Variants in SPATA9 observed in about 807,000 individuals in gnomAD.
SPATA9 encodes spermatogenesis-associated protein 9.
A neutral mutation model predicts 25.5 loss-of-function variants in SPATA9; 27 were observed. The observed-to-expected ratio is 1.06, with a 90% CI of 0.78 to 1.46. The LOEUF (loss-of-function observed/expected upper bound fraction) is 1.46, where lower values mean the gene tolerates loss of function less well. SPATA9 is among the 40% of genes most tolerant of loss of function. The probability of loss-of-function intolerance (pLI) is 0.00; values close to 1 mark genes in which losing one functional copy is unlikely to be tolerated. For missense variants in SPATA9, 282 were observed against 297.5 expected (o/e 0.95, Z 0.38); for synonymous variants, 102 against 105.7 (o/e 0.97, Z 0.21).
chr5:95,707,291 A>C, the SPATA9 span, among the ~76,000 whole-genome samples: 3 of 152,248 alleles, frequency 2.0e-5, no homozygotes, highest in African/African-American at 7.2e-5. Flanking sequence ...AGTGATTAAC[A>C]CATGGATTAG....
At chr5:95,675,280 C>T in intron 3 of SPATA9, 132 bp downstream of exon 3, 1 of 723,568 alleles carries the variant, frequency 1.4e-6, no homozygotes, top group South Asian at 2.0e-5. Context: ...AAGCCCCAAC[C>T]ATTCATTTCT....
chr5:95,654,979 G>A (rs774095106), downstream of SPATA9, among the ~76,000 whole-genome samples: 3 of 152,046 alleles, frequency 2.0e-5, no homozygotes, highest in African/African-American at 4.8e-5. Context: ...GAGGAGGAAC[G>A]GGGGAAGTTG....
intron 2 of SPATA9, among the ~76,000 whole-genome samples, chr5:95,680,227 C>A (rs530585443): frequency 1.9e-4 from 29 of 152,220 alleles, no homozygotes; most frequent in Middle Eastern, 3.4e-3. Context: ...AATGTATAGG[C>A]TCAGTAATTT....
chr5:95,716,688 G>C, the SPATA9 span, among the ~76,000 whole-genome samples: 4 of 152,194 alleles, frequency 2.6e-5, no homozygotes, highest in Admixed American at 1.3e-4. Context: ...GTGGGGACAT[G>C]AGATTTGGGA....
exon 9 of SPATA9, chr5:95,653,074 G>T: frequency 6.5e-7 from 1 of 1,549,212 alleles, no homozygotes; most frequent in Non-Finnish European, 8.7e-7. Context: ...CATTCACCAA[G>T]ACTTTTCTTT....
At chr5:95,655,840 T>C, downstream of SPATA9, 1 of 521,002 alleles carries the variant, frequency 1.9e-6, no homozygotes, top group Non-Finnish European at 3.4e-6. Context: ...CTGATAGAGC[T>C]CTAACTGGCT....
chr5:95,700,017 C>T (rs975406497), upstream of SPATA9, among the ~76,000 whole-genome samples: 2 of 151,908 alleles, frequency 1.3e-5, no homozygotes, highest in Non-Finnish European at 2.9e-5. Flanking sequence ...GCCCCTGAAA[C>T]CATGGATATT....
chr5:95,656,247 T>G, downstream of SPATA9: 1 of 1,613,478 alleles, frequency 6.2e-7, no homozygotes, highest in East Asian at 2.2e-5. Context: ...TAATGAACCT[T>G]TTAAGTGTGA....
chr5:95,715,373 T>C, the SPATA9 span, among the ~76,000 whole-genome samples: 66 of 149,348 alleles, frequency 4.4e-4, no homozygotes, highest in African/African-American at 1.4e-3. Flanking sequence ...AGACAAGACA[T>C]ATTTTTCAAA....
chr5:95,694,025 C>T (rs1048426775), intron 1 of SPATA9, among the ~76,000 whole-genome samples: 8 of 151,952 alleles, frequency 5.3e-5, no homozygotes, highest in Non-Finnish European at 8.8e-5. Flanking sequence ...CCTGGTATAG[C>T]GTCACACACC....
At chr5:95,705,384 A>G in the SPATA9 span, among the ~76,000 whole-genome samples, 26 of 152,222 alleles carry the variant, frequency 1.7e-4, no homozygotes, top group African/African-American at 6.3e-4. Context: ...AATCCATAGC[A>G]TATATAATTA....
chr5:95,655,814 T>C, downstream of SPATA9: 1 of 464,120 alleles, frequency 2.2e-6, no homozygotes, highest in Non-Finnish European at 3.8e-6. Context: ...TTTAGTTGCC[T>C]GAGCATGTCA....
At chr5:95,699,967 G>A (rs951630202), upstream of SPATA9, among the ~76,000 whole-genome samples, 11 of 152,112 alleles carry the variant, frequency 7.2e-5, no homozygotes, top group African/African-American at 2.4e-4. Context: ...TGGGACATCT[G>A]GGCCAGACAG....
chr5:95,727,369 G>A, the SPATA9 span, among the ~76,000 whole-genome samples: 2 of 152,114 alleles, frequency 1.3e-5, no homozygotes, highest in African/African-American at 4.8e-5. Flanking sequence ...CAGCTGTTAA[G>A]GAACCAACAC....
upstream of SPATA9, among the ~76,000 whole-genome samples, chr5:95,683,582 G>A (rs1002481735): frequency 6.6e-6 from 1 of 152,066 alleles, no homozygotes; most frequent in African/African-American, 2.4e-5. Flanking sequence ...CTGTTGCCCA[G>A]GCTGGAGTGC....
chr5:95,705,361 G>A, the SPATA9 span, among the ~76,000 whole-genome samples: 1 of 152,072 alleles, frequency 6.6e-6, no homozygotes, highest in Non-Finnish European at 1.5e-5. Flanking sequence ...TTTTGGAGGG[G>A]ACACCATAAT....
intron 1 of SPATA9, among the ~76,000 whole-genome samples, chr5:95,695,085 C>CTGTA (rs1275865708): frequency 2.0e-5 from 3 of 152,280 alleles, no homozygotes; most frequent in Non-Finnish European, 4.4e-5. Context: ...ACCACATCTA[C>CTGTA]TGTATACATG....
chr5:95,668,280 ATTAATC>A (rs1254886933), intron 3 of SPATA9, among the ~76,000 whole-genome samples: 1 of 152,216 alleles, frequency 6.6e-6, no homozygotes, highest in Non-Finnish European at 1.5e-5. Context: ...CTTCTGAATA[ATTAATC>A]TTTATATTGT....
At chr5:95,703,994 C>G in the SPATA9 span, among the ~76,000 whole-genome samples, 5 of 152,212 alleles carry the variant, frequency 3.3e-5, no homozygotes, top group African/African-American at 1.2e-4. Flanking sequence ...AACAGACACA[C>G]AAACACTGAC....
Sources: allele counts gnomAD v4.1 joint callset (sites outside exome capture counted in the v4.1 genomes callset), GRCh38; gene constraint gnomAD v4.1.1; transcripts MANE v1.5; gene names NCBI Gene and HGNC (gene_info 2026-07-23, HGNC 2026-07-21).